AKR1B10: variants seen among roughly 807,000 people sequenced by gnomAD.
The protein encoded by AKR1B10 is aldo-keto reductase family 1 member B10.
In AKR1B10, 39 loss-of-function variants were observed where a neutral mutation model predicts 38.9. That is an observed-to-expected ratio of 1.00 (90% CI 0.78 to 1.31). The LOEUF is 1.31. Among genes scored for constraint, AKR1B10 ranks in the 50% most tolerant of loss-of-function variants. AKR1B10 has a pLI of 0.00. For synonymous variants in AKR1B10, 148 were observed against 141.2 expected (o/e 1.05, Z -0.34); for missense variants, 361 against 382.6 (o/e 0.94, Z 0.47).
In AKR1B10 at chr7:134,541,029, TTTTGTTC is replaced by T. The variant is rs545033720; in HGVS notation, c.909-14_909-8del. 3.6e-5 allele frequency: 56 copies of T among 1,550,934 alleles called. No homozygotes were observed. The African/African-American group carries it at 6.3e-4, about 17-fold the overall frequency. ...GGAACTCAGTTTCTCTGTTTTTGTT[TTTTGTTC>T]TTTCCTGCAGATCCTCTCATTTGGA... On this transcript the variant is annotated splice_polypyrimidine_tract_variant and intron_variant, in intron 9 of 9. Coordinates refer to ENST00000359579, the MANE Select transcript of AKR1B10 (RefSeq NM_020299.5).
chr7:134,537,307 G>GA (rs761108978), intron 6 of AKR1B10, 150 bp downstream of exon 6: 8 of 1,280,218 alleles, frequency 6.2e-6, no homozygotes, highest in South Asian at 3.3e-5. Flanking sequence ...ATGGCAGTGG[G>GA]AAAAAATGGG....
chr7:134,532,829 T>C (rs1807897385), intron 3 of AKR1B10, among the ~76,000 whole-genome samples, 175 bp from the exon 4 acceptor site: 1 of 152,198 alleles, frequency 6.6e-6, no homozygotes, highest in South Asian at 2.1e-4. Flanking sequence ...ATTAGTATGC[T>C]ACAGTAGATA....
chr7:134,535,608 T>TTG lies in AKR1B10; in HGVS notation c.430-1042_430-1041insTG, dbSNP rs1554396830. On this transcript the variant is annotated intron_variant, in intron 4 of 9. Transcript: ENST00000359579. ...GTCTTTTTTTTTTTTTTTTTTTTTT[T>TTG]CTTTTGAGGCCCAGCTTATACTCTA... The TTG allele has an allele frequency of 3.3e-5, 29 of 881,312 alleles. No individual in the cohort carries two copies. In the Admixed American group the frequency reaches 7.0e-4, roughly 21 times the overall value. 54.6% of individuals were successfully genotyped at this position (881,312 alleles called of 1,614,324 possible). A position where few individuals can be genotyped will look rare whatever the true frequency, so the allele number is the denominator to read the frequency against.
chr7:134,539,930 T>G (rs1367755085), intron 9 of AKR1B10, among the ~76,000 whole-genome samples: 1 of 152,236 alleles, frequency 6.6e-6, no homozygotes, highest in Non-Finnish European at 1.5e-5. Flanking sequence ...ATTTTTCACC[T>G]TTTAAAAATG....
At chr7:134,532,756 G>A (rs1221282093) in intron 3 of AKR1B10, among the ~76,000 whole-genome samples, 1 of 152,182 alleles carries the variant, frequency 6.6e-6, no homozygotes, top group East Asian at 1.9e-4. Context: ...TGTCCATGGT[G>A]ATAATGAACT....
intron 8 of AKR1B10, 27 bp from the exon 9 acceptor site, chr7:134,538,908 G>T: frequency 6.2e-7 from 1 of 1,613,578 alleles, no homozygotes; most frequent in Non-Finnish European, 8.5e-7. Context: ...CCTTACTGAT[G>T]ATGTATTGGA....
chr7:134,537,828 G>A (rs1585757013), intron 7 of AKR1B10, among the ~76,000 whole-genome samples, 167 bp downstream of exon 7: 1 of 152,210 alleles, frequency 6.6e-6, no homozygotes, highest in African/African-American at 2.4e-5. Context: ...AAACACAAGA[G>A]CTGTCACTGA....
Position 134,536,915 on chromosome 7 carries a change from C to T in AKR1B10, c.553-136C>T, listed in dbSNP as rs397824200. On this transcript the variant is annotated intron_variant, in intron 5 of 9. Coordinates refer to ENST00000359579, the MANE Select transcript of AKR1B10 (RefSeq NM_020299.5). Reference sequence around the variant, plus strand: ...TTGGGGAGGTGTGAGGCTGATCTCACGGGTGATTTAGCAAGTATCTCAGTG... The same window carrying T: ...TTGGGGAGGTGTGAGGCTGATCTCATGGGTGATTTAGCAAGTATCTCAGTG... 415 of 1,578,064 alleles carry T rather than the reference C, an allele frequency of 2.6e-4. 1 individual carries two copies. The East Asian group carries it at 5.2e-3, about 20-fold the overall frequency.
In AKR1B10 at chr7:134,541,038, T is replaced by G. The variant is rs1222769711; in HGVS notation, c.909-9T>G. 1 of 1,567,854 alleles carries G rather than the reference T, an allele frequency of 6.4e-7. No individual in the cohort carries two copies. The highest frequency in any genetic ancestry group is 1.1e-5 in the South Asian group (1 of 89,790). ...TTTCTCTGTTTTTGTTTTTTGTTCT[T>G]TCCTGCAGATCCTCTCATTTGGAAG... On this transcript the variant is annotated splice_polypyrimidine_tract_variant and intron_variant, in intron 9 of 9. Transcript: ENST00000359579.
At chr7:134,537,702 C>T (rs780841524) in intron 7 of AKR1B10, 41 bp downstream of exon 7, 1 of 1,605,772 alleles carries the variant, frequency 6.2e-7, no homozygotes, top group South Asian at 1.1e-5. Flanking sequence ...ACAACTCATT[C>T]TTCCAGTCTC....
chr7:134,541,338 T>C lies in AKR1B10; in HGVS notation c.*249T>C. 1 of 409,762 alleles carries C rather than the reference T, an allele frequency of 2.4e-6. No homozygotes were observed. The highest frequency in any genetic ancestry group is 3.1e-5 in the South Asian group (1 of 32,110). The allele number at this position is 409,762 out of a possible 1,614,324, so 25.4% of individuals were successfully genotyped here. On this transcript the variant is annotated 3_prime_UTR_variant, in exon 10 of 10. Coordinates refer to ENST00000359579, the MANE Select transcript of AKR1B10 (RefSeq NM_020299.5). ...TTTCCACTTATCTGATCAGAACAAA[T>C]GTTTATTAAGCATCAGAAACTCTGC...
In AKR1B10 at chr7:134,534,809, C is replaced by T. The variant is rs553728168; in HGVS notation, c.429+1728C>T. Reference sequence around the variant, plus strand: ...TTGCCCCATCTGAAATTTTGGGAAACCTAATGATTTCACAGCTTCTAAATT... The same window carrying T: ...TTGCCCCATCTGAAATTTTGGGAAATCTAATGATTTCACAGCTTCTAAATT... On this transcript the variant is annotated intron_variant, in intron 4 of 9. Transcript: ENST00000359579. Among the ~76,000 whole-genome samples, 8 of 152,244 alleles carry T rather than the reference C, an allele frequency of 5.3e-5. No individual in the cohort carries two copies. The East Asian group carries it at 1.5e-3, about 29-fold the overall frequency.
intron 7 of AKR1B10, 117 bp downstream of exon 7, chr7:134,537,778 C>G (rs1808053043): frequency 1.6e-6 from 2 of 1,244,522 alleles, no homozygotes; most frequent in African/African-American, 3.0e-5. Flanking sequence ...AGCTGAAGCC[C>G]TCTAAAGTGT....
At chr7:134,539,073 A>T (rs1334498970) in intron 9 of AKR1B10, 56 bp downstream of exon 9, 5 of 1,597,262 alleles carry the variant, frequency 3.1e-6, no homozygotes, top group Non-Finnish European at 4.3e-6. Context: ...AAACTAATAG[A>T]GGGTTAGTTG....
intron 1 of AKR1B10, 38 bp downstream of exon 1, chr7:134,528,015 A>C: frequency 1.2e-6 from 2 of 1,610,466 alleles, no homozygotes; most frequent in Non-Finnish European, 1.7e-6. Flanking sequence ...TCTTCTCTGG[A>C]GGGGCGTTTG....
rs1417880710 is a variant in AKR1B10, at chr7:134,537,597, C to G, written c.677C>G (p.Pro226Arg). Residue 226 changes from proline to arginine, a missense_variant, in exon 7 of 10, where the codon CCT becomes CGT. Pro to Arg is a moderately radical substitution (Grantham distance 103). Transcript: ENST00000359579. The stretch of plus-strand genomic sequence containing the variant: ...GCCCCTAGGGCCAAGCCAGAAGACC[C>G]TTCCCTGCTGGAGGATCCCAAGATT... ...PDRPWAKPED[P>R]SLLEDPKIKE... is the part of the protein sequence containing the mutation. 1 of 1,614,006 alleles carries G rather than the reference C, an allele frequency of 6.2e-7. No homozygotes were observed. The highest frequency in any genetic ancestry group is 8.5e-7 in the Non-Finnish European group (1 of 1,179,920).
chr7:134,532,547 A>G (rs561947206), intron 3 of AKR1B10, among the ~76,000 whole-genome samples: 1 of 152,096 alleles, frequency 6.6e-6, no homozygotes, highest in African/African-American at 2.4e-5. Flanking sequence ...ACAAATTTCC[A>G]GCTCTCTCCC....
chr7:134,539,465 A>T (rs1808093825), intron 9 of AKR1B10, among the ~76,000 whole-genome samples: 1 of 152,182 alleles, frequency 6.6e-6, no homozygotes, highest in Non-Finnish European at 1.5e-5. Flanking sequence ...TAGACAGAAA[A>T]ATAAAGTAGG....
intron 1 of AKR1B10, 60 bp from the exon 2 acceptor site, chr7:134,530,583 G>T: frequency 1.3e-6 from 2 of 1,591,108 alleles, no homozygotes; most frequent in South Asian, 2.3e-5. Flanking sequence ...TGGGCAACAC[G>T]GCAGGGCCCC....
Sources: gnomAD v4.1 joint callset for allele counts (sites outside exome capture counted in the v4.1 genomes callset) on GRCh38, gnomAD v4.1.1 for gene constraint, MANE v1.5 for transcripts, NCBI Gene and HGNC (gene_info 2026-07-23, HGNC 2026-07-21) for gene names.